Variants in EFCAB11 observed in about 807,000 individuals in gnomAD.
EFCAB11 encodes the protein EF-hand calcium binding domain 11.
A neutral mutation model predicts 23.0 loss-of-function variants in EFCAB11; 14 were observed. The ratio of observed to expected loss-of-function variants is 0.61; its 90% CI spans 0.40 to 0.95. The LOEUF (loss-of-function observed/expected upper bound fraction) is 0.95. Ranked by LOEUF, EFCAB11 falls within the 40% of genes least tolerant of loss-of-function variation. The probability of loss-of-function intolerance (pLI) is 0.00; values close to 1 mark genes in which losing one functional copy is unlikely to be tolerated. For missense variants in EFCAB11, 198 were observed against 195.8 expected (o/e 1.01, Z -0.07); for synonymous variants, 65 against 66.6 (o/e 0.98, Z 0.11).
At chr14:89,860,705 G>A (rs1219083939) in intron 5 of EFCAB11, among the ~76,000 whole-genome samples, 1 of 152,152 alleles carries the variant, frequency 6.6e-6, no homozygotes, top group Non-Finnish European at 1.5e-5. Context: ...CTGAAAGAGT[G>A]GAATCAAAGA....
intron 5 of EFCAB11, chr14:89,923,554 A>C (rs1357541034): frequency 8.3e-6 from 4 of 480,910 alleles, no homozygotes; most frequent in Non-Finnish European, 1.1e-5. Context: ...TTCTTCGGTC[A>C]TGCCATTCAC....
chr14:89,916,656 T>C (rs1195024796), intron 5 of EFCAB11, among the ~76,000 whole-genome samples: 1 of 152,242 alleles, frequency 6.6e-6, no homozygotes, highest in Non-Finnish European at 1.5e-5. Flanking sequence ...ATTCATTTAT[T>C]TGTTCATGTA....
chr14:89,847,903 A>G (rs1887484754), intron 5 of EFCAB11, among the ~76,000 whole-genome samples: 1 of 152,220 alleles, frequency 6.6e-6, no homozygotes, highest in South Asian at 2.1e-4. Context: ...TCAGAATGAG[A>G]GCAATCATAT....
intron 3 of EFCAB11, among the ~76,000 whole-genome samples, chr14:89,933,468 TTC>T (rs1424453934): frequency 1.3e-5 from 2 of 152,270 alleles, no homozygotes; most frequent in Admixed American, 6.5e-5. Flanking sequence ...TGCACATTTT[TTC>T]TTTTAGTGAT....
At chr14:89,815,155 A>G (rs1338968953) in intron 5 of EFCAB11, among the ~76,000 whole-genome samples, 1 of 152,212 alleles carries the variant, frequency 6.6e-6, no homozygotes, top group Admixed American at 6.5e-5. Flanking sequence ...TGCGGCAATT[A>G]TGACATCACA....
At chr14:89,871,698 C>G (rs1158096944) in intron 5 of EFCAB11, among the ~76,000 whole-genome samples, 1 of 152,162 alleles carries the variant, frequency 6.6e-6, no homozygotes, top group Non-Finnish European at 1.5e-5. Context: ...TATACCTTTT[C>G]TTTAAGTCCA....
intron 5 of EFCAB11, among the ~76,000 whole-genome samples, chr14:89,820,054 C>A (rs185685461): frequency 6.6e-6 from 1 of 152,126 alleles, no homozygotes; most frequent in East Asian, 1.9e-4. Flanking sequence ...ACCACATAGA[C>A]ATAAACTTCC....
At chr14:89,819,418 C>T (rs1355692804) in intron 5 of EFCAB11, among the ~76,000 whole-genome samples, 2 of 150,332 alleles carry the variant, frequency 1.3e-5, no homozygotes, top group Non-Finnish European at 2.9e-5. Context: ...AAGAAACTTT[C>T]TATCTTTTTT....
chr14:89,803,271 G>A (rs920183914), intron 5 of EFCAB11, among the ~76,000 whole-genome samples: 3 of 152,100 alleles, frequency 2.0e-5, no homozygotes, highest in African/African-American at 4.8e-5. Flanking sequence ...ATGATTTCAG[G>A]GTCAGCTGAG....
chr14:89,890,825 C>T (rs1049209461), intron 5 of EFCAB11, among the ~76,000 whole-genome samples: 10 of 152,194 alleles, frequency 6.6e-5, no homozygotes, highest in East Asian at 5.8e-4. Flanking sequence ...CATGGGGAGA[C>T]GAGGCCAGAA....
intron 5 of EFCAB11, among the ~76,000 whole-genome samples, chr14:89,839,890 C>T (rs2140125872): frequency 6.6e-6 from 1 of 152,230 alleles, no homozygotes; most frequent in South Asian, 2.1e-4. Context: ...TGGTGCTAAA[C>T]CATTAGAAAC....
chr14:89,954,756 A>T, upstream of EFCAB11: 3 of 1,519,056 alleles, frequency 2.0e-6, no homozygotes, highest in East Asian at 2.4e-5. Context: ...ACCGCGGCTC[A>T]GGAAGCCGAA....
chr14:89,852,264 A>T (rs1887621415), intron 5 of EFCAB11, among the ~76,000 whole-genome samples: 1 of 152,270 alleles, frequency 6.6e-6, no homozygotes, highest in Non-Finnish European at 1.5e-5. Flanking sequence ...GAAGTTAATC[A>T]GTTAATCTTT....
chr14:89,850,452 A>C (rs1404186588), intron 5 of EFCAB11, among the ~76,000 whole-genome samples: 1 of 152,230 alleles, frequency 6.6e-6, no homozygotes, highest in East Asian at 1.9e-4. Context: ...CTACCAAATC[A>C]GAAACTCTGA....
At chr14:89,949,848 A>G (rs1324943848) in intron 3 of EFCAB11, among the ~76,000 whole-genome samples, 1 of 152,212 alleles carries the variant, frequency 6.6e-6, no homozygotes, top group African/African-American at 2.4e-5. Flanking sequence ...CACGTCTTAC[A>G]TGGATGGCAG....
chr14:89,877,241 T>C (rs904150866), intron 5 of EFCAB11, among the ~76,000 whole-genome samples: 2 of 152,114 alleles, frequency 1.3e-5, no homozygotes, highest in African/African-American at 2.4e-5. Context: ...GGTTTCATCA[T>C]GTTGGTCAGG....
chr14:89,857,491 CTGT>C (rs1322970492), intron 5 of EFCAB11, among the ~76,000 whole-genome samples: 1 of 146,382 alleles, frequency 6.8e-6, no homozygotes. Context: ...CACCCTATAG[CTGT>C]TACTGACCTG....
intron 2 of EFCAB11, among the ~76,000 whole-genome samples, chr14:89,953,251 T>C (rs1891250059): frequency 6.6e-6 from 1 of 150,904 alleles, no homozygotes; most frequent in African/African-American, 2.4e-5. Context: ...GACAGGAACC[T>C]GGCTAAAAAG....
chr14:89,909,649 C>CT (rs72093381), intron 5 of EFCAB11, among the ~76,000 whole-genome samples: 5,905 of 90,344 alleles, frequency 0.065, 378 homozygotes, highest in African/African-American at 0.37. Context: ...TTCCCGGTAT[C>CT]TCAGGATAAA....
Sources: allele counts gnomAD v4.1 joint callset (sites outside exome capture counted in the v4.1 genomes callset), GRCh38; gene constraint gnomAD v4.1.1; transcripts MANE v1.5; gene names NCBI Gene and HGNC (gene_info 2026-07-23, HGNC 2026-07-21).